CNTN4: variants seen among roughly 807,000 people sequenced by gnomAD.
CNTN4 encodes contactin 4, also known as contactin-4.
In CNTN4, 77 loss-of-function variants were observed where a neutral mutation model predicts 122.5. The ratio of observed to expected loss-of-function variants is 0.63; its 90% CI spans 0.52 to 0.76. CNTN4 has a LOEUF of 0.76. Ranked by LOEUF, CNTN4 falls within the 30% of genes least tolerant of loss-of-function variation. The probability of loss-of-function intolerance (pLI) is 0.00; values close to 1 mark genes in which losing one functional copy is unlikely to be tolerated. For synonymous variants in CNTN4, 512 were observed against 447.0 expected, an observed-to-expected ratio of 1.15 and a Z score of -1.83; for missense variants, 1,256 against 1,259.1, an observed-to-expected ratio of 1.00 and a Z score of 0.04.
intron 3 of CNTN4, among the ~76,000 whole-genome samples, chr3:2,430,574 A>AT (rs2048029851): frequency 7.5e-6 from 1 of 133,138 alleles, no homozygotes; most frequent in African/African-American, 2.8e-5. Context: ...TTTTTAATAA[A>AT]TTTTTTGTTT....
chr3:2,692,303 C>G (rs2085784208), intron 4 of CNTN4, among the ~76,000 whole-genome samples: 1 of 152,118 alleles, frequency 6.6e-6, no homozygotes, highest in South Asian at 2.1e-4. Context: ...CGATGAAAAC[C>G]TACAGTGCCC....
chr3:2,611,652 A>G (rs904903161), intron 4 of CNTN4, among the ~76,000 whole-genome samples: 2 of 152,160 alleles, frequency 1.3e-5, no homozygotes, highest in Non-Finnish European at 2.9e-5. Flanking sequence ...CCAATACCCA[A>G]TGCATGGATG....
At chr3:2,503,768 A>C (rs2076659890) in intron 3 of CNTN4, among the ~76,000 whole-genome samples, 1 of 152,086 alleles carries the variant, frequency 6.6e-6, no homozygotes, top group Admixed American at 6.6e-5. Context: ...AGATAGGAAA[A>C]ATAGCATGGA....
intron 2 of CNTN4, among the ~76,000 whole-genome samples, chr3:2,109,094 C>T (rs2032719699): frequency 6.6e-6 from 1 of 152,150 alleles, no homozygotes; most frequent in African/African-American, 2.4e-5. Flanking sequence ...GAATTGACTG[C>T]AGGATTAGTT....
chr3:2,771,049 C>G (rs75607647), intron 6 of CNTN4, among the ~76,000 whole-genome samples: 1 of 152,178 alleles, frequency 6.6e-6, no homozygotes, highest in African/African-American at 2.4e-5. Context: ...GAAAGAGCAA[C>G]ATGGAGCCTC....
intron 3 of CNTN4, among the ~76,000 whole-genome samples, chr3:2,384,821 C>T (rs2046182186): frequency 6.6e-6 from 1 of 151,892 alleles, no homozygotes; most frequent in Non-Finnish European, 1.5e-5. Flanking sequence ...TCCTTGGTTT[C>T]TAAGTAGAAG....
At chr3:2,453,804 C>G (rs2048911053) in intron 3 of CNTN4, among the ~76,000 whole-genome samples, 1 of 152,002 alleles carries the variant, frequency 6.6e-6, no homozygotes, top group African/African-American at 2.4e-5. Flanking sequence ...AAACATAGCC[C>G]AAACTACAAG....
At chr3:2,489,059 A>T (rs1559600849) in intron 3 of CNTN4, among the ~76,000 whole-genome samples, 1 of 151,254 alleles carries the variant, frequency 6.6e-6, no homozygotes, top group African/African-American at 2.4e-5. Flanking sequence ...TTTGCAAATT[A>T]CTTTTTTTTC....
chr3:2,568,554 A>T (rs1022711922), intron 3 of CNTN4, among the ~76,000 whole-genome samples: 1 of 152,112 alleles, frequency 6.6e-6, no homozygotes, highest in South Asian at 2.1e-4. Context: ...TATTGCCACC[A>T]TAACTCTTGG....
chr3:2,308,629 G>T (rs1470752353), intron 2 of CNTN4, among the ~76,000 whole-genome samples: 1 of 151,698 alleles, frequency 6.6e-6, no homozygotes, highest in African/African-American at 2.4e-5. Flanking sequence ...TTTCCCTTTT[G>T]ATTTTTTTCT....
chr3:2,914,227 T>C (rs777606031), intron 12 of CNTN4, among the ~76,000 whole-genome samples: 6 of 152,122 alleles, frequency 3.9e-5, no homozygotes, highest in Non-Finnish European at 8.8e-5. Flanking sequence ...GTCAATGCCC[T>C]AACTTCGCAC....
chr3:2,149,329 C>G (rs80124663), intron 2 of CNTN4, among the ~76,000 whole-genome samples: 2,834 of 152,142 alleles, frequency 0.019, 26 homozygotes, highest in Middle Eastern at 0.061. Context: ...TGTTTTCATG[C>G]GGAGCACATT....
intron 2 of CNTN4, among the ~76,000 whole-genome samples, chr3:2,108,706 G>A (rs528408607): frequency 1.3e-5 from 2 of 152,260 alleles, no homozygotes; most frequent in East Asian, 1.9e-4. Flanking sequence ...GTGTTTTGTA[G>A]GGTTGTTAGC....
intron 4 of CNTN4, among the ~76,000 whole-genome samples, chr3:2,590,102 G>A (rs546494907): frequency 2.0e-5 from 3 of 152,306 alleles, no homozygotes; most frequent in South Asian, 2.1e-4. Context: ...GGGACAAACT[G>A]TCGTCAGTTC....
chr3:3,015,605 T>C (rs1697671484), intron 14 of CNTN4, among the ~76,000 whole-genome samples: 1 of 152,210 alleles, frequency 6.6e-6, no homozygotes, highest in Non-Finnish European at 1.5e-5. Flanking sequence ...TGAAAACATG[T>C]AGAAAATTGC....
intron 2 of CNTN4, among the ~76,000 whole-genome samples, chr3:2,265,015 G>A (rs1009185580): frequency 5.3e-5 from 8 of 151,864 alleles, no homozygotes; most frequent in South Asian, 2.1e-4. Flanking sequence ...CACGCCACTC[G>A]TACTCTTTCC....
At chr3:2,939,885 C>T (rs2094598076) in intron 13 of CNTN4, among the ~76,000 whole-genome samples, 2 of 152,206 alleles carry the variant, frequency 1.3e-5, no homozygotes, top group Admixed American at 6.5e-5. Context: ...GCTCTCTGTT[C>T]AGCGATAGCT....
At chr3:2,988,873 A>G (rs1054720870) in intron 14 of CNTN4, 1 of 247,176 alleles carries the variant, frequency 4.0e-6, no homozygotes, top group Non-Finnish European at 8.0e-6. Context: ...AAACAATGAC[A>G]TTGGTAATTT....
At chr3:2,658,951 C>T (rs906811246) in intron 4 of CNTN4, among the ~76,000 whole-genome samples, 2 of 121,478 alleles carry the variant, frequency 1.6e-5, no homozygotes, top group African/African-American at 6.9e-5. Flanking sequence ...ATAACACACC[C>T]ACACACACAA....
Sources: allele counts gnomAD v4.1 joint callset (sites outside exome capture counted in the v4.1 genomes callset), GRCh38; gene constraint gnomAD v4.1.1; transcripts MANE v1.5; gene names NCBI Gene and HGNC (gene_info 2026-07-23, HGNC 2026-07-21).